The following PLPPR5 variants were observed in gnomAD, a reference collection of about 807,000 sequenced individuals.
PLPPR5 encodes phospholipid phosphatase related 5.
PLPPR5 carries 16 observed loss-of-function variants against 33.9 expected under a neutral mutation model. The ratio of observed to expected loss-of-function variants is 0.47; its 90% CI spans 0.32 to 0.72. The LOEUF (loss-of-function observed/expected upper bound fraction) is 0.72, where lower values mean the gene tolerates loss of function less well. PLPPR5 is among the 30% of genes least tolerant of loss of function. The pLI is 0.03. For missense variants in PLPPR5, 301 were observed against 406.7 expected (o/e 0.74, Z 2.23); for synonymous variants, 163 against 150.3 (o/e 1.08, Z -0.62).
chr1:98,978,956 A>G (rs1651964115), intron 1 of PLPPR5, among the ~76,000 whole-genome samples: 1 of 151,992 alleles, frequency 6.6e-6, no homozygotes, highest in South Asian at 2.1e-4. Flanking sequence ...ACATGAAAAC[A>G]TCCTGTCATT....
At chr1:98,968,459 T>C (rs1336377516) in intron 1 of PLPPR5, among the ~76,000 whole-genome samples, 1 of 152,058 alleles carries the variant, frequency 6.6e-6, no homozygotes, top group Non-Finnish European at 1.5e-5. Context: ...CTCTGGGACT[T>C]AAAGATGATG....
intron 1 of PLPPR5, among the ~76,000 whole-genome samples, chr1:98,977,320 A>G (rs796286444): frequency 2.6e-5 from 4 of 152,010 alleles, no homozygotes; most frequent in African/African-American, 9.6e-5. Flanking sequence ...TCTGAGGTCT[A>G]ATCTGTAACA....
chr1:98,948,126 C>T (rs559675619), intron 3 of PLPPR5, among the ~76,000 whole-genome samples: 20 of 152,260 alleles, frequency 1.3e-4, no homozygotes, highest in East Asian at 3.9e-4. Flanking sequence ...TACAAGTAAA[C>T]GGACATGCAC....
chr1:98,910,384 T>C (rs1240477443), intron 5 of PLPPR5, among the ~76,000 whole-genome samples: 1 of 152,086 alleles, frequency 6.6e-6, no homozygotes, highest in East Asian at 1.9e-4. Flanking sequence ...TCAGTGATGT[T>C]GACAGGCCTC....
chr1:98,899,861 G>A (rs12075466), intron 5 of PLPPR5, among the ~76,000 whole-genome samples: 12,776 of 151,944 alleles, frequency 0.084, 1,303 homozygotes, highest in African/African-American at 0.24. Flanking sequence ...TTTCCCAAAC[G>A]TATTGACATG....
intron 3 of PLPPR5, among the ~76,000 whole-genome samples, chr1:98,944,647 T>A (rs11166143): frequency 0.17 from 25,662 of 152,248 alleles, 2,550 homozygotes; most frequent in Non-Finnish European, 0.22. Context: ...TGATATTTTG[T>A]TAGAGCTATC....
At chr1:98,909,559 C>T (rs1348551850) in intron 5 of PLPPR5, among the ~76,000 whole-genome samples, 1 of 151,670 alleles carries the variant, frequency 6.6e-6, no homozygotes, top group East Asian at 1.9e-4. Flanking sequence ...TTCACTGGTA[C>T]CAGACACAGT....
chr1:98,930,093 G>A (rs1670900375), intron 3 of PLPPR5, among the ~76,000 whole-genome samples: 1 of 152,068 alleles, frequency 6.6e-6, no homozygotes, highest in Non-Finnish European at 1.5e-5. Flanking sequence ...AGACAAATCT[G>A]GAAATTTTAA....
chr1:98,904,726 C>T (rs2101139424), intron 5 of PLPPR5, among the ~76,000 whole-genome samples: 1 of 152,232 alleles, frequency 6.6e-6, no homozygotes, highest in South Asian at 2.1e-4. Flanking sequence ...GGGGTGACTG[C>T]AGTCTGACCT....
intron 1 of PLPPR5, among the ~76,000 whole-genome samples, chr1:98,976,936 G>A (rs1444012833): frequency 6.6e-6 from 1 of 151,898 alleles, no homozygotes; most frequent in African/African-American, 2.4e-5. Flanking sequence ...GCAGATAATT[G>A]CTCCACAATA....
At chr1:98,955,425 CTTTT>C (rs984535406) in intron 2 of PLPPR5, among the ~76,000 whole-genome samples, 1 of 151,916 alleles carries the variant, frequency 6.6e-6, no homozygotes, top group South Asian at 2.1e-4. Flanking sequence ...TTGCATATTG[CTTTT>C]TTTATTAAAT....
chr1:98,952,143 G>C (rs1342178127), intron 3 of PLPPR5, among the ~76,000 whole-genome samples: 1 of 151,926 alleles, frequency 6.6e-6, no homozygotes, highest in African/African-American at 2.4e-5. Context: ...CACACCTGTA[G>C]TCCCAGCTAC....
chr1:99,001,986 A>G (rs2100770427), intron 1 of PLPPR5, among the ~76,000 whole-genome samples: 1 of 152,196 alleles, frequency 6.6e-6, no homozygotes, highest in East Asian at 1.9e-4. Context: ...TAAGGTATGT[A>G]GAAAGTTTAT....
chr1:98,978,316 C>T (rs573525717), intron 1 of PLPPR5, among the ~76,000 whole-genome samples: 43 of 152,098 alleles, frequency 2.8e-4, no homozygotes, highest in Non-Finnish European at 5.3e-4. Flanking sequence ...CAATTGGTCT[C>T]GCAGTCTTTG....
At position 98,931,957 on chromosome 1, in the gene PLPPR5, G is replaced by A. The variant is rs766565344; in HGVS notation, c.622-9899C>T. ...ATGAACAGACTGGAATATTTAGGAT[G>A]TTAAACTGGCCAGAACTGTTGGTTA... On this transcript the variant is annotated intron_variant, in intron 3 of 5. Transcript: ENST00000263177. 1.3e-4 allele frequency among the ~76,000 whole-genome samples: 20 copies of A among 152,180 alleles called. 1 individual carries two copies. The highest frequency in any genetic ancestry group is 1.9e-4 in the Non-Finnish European group (13 of 68,026).
intron 5 of PLPPR5, among the ~76,000 whole-genome samples, chr1:98,908,422 C>T (rs570062356): frequency 1.3e-5 from 2 of 152,198 alleles, no homozygotes; most frequent in South Asian, 2.1e-4. Context: ...GAAATGTAAA[C>T]GTCTCCATCT....
At chr1:98,959,027 G>A (rs367713948) in intron 1 of PLPPR5, among the ~76,000 whole-genome samples, 85 of 152,230 alleles carry the variant, frequency 5.6e-4, no homozygotes, top group African/African-American at 1.9e-3. Context: ...CTTATTTAAT[G>A]CATAAAGGAA....
intron 3 of PLPPR5, among the ~76,000 whole-genome samples, chr1:98,932,306 G>C (rs1337143121): frequency 6.6e-6 from 1 of 152,154 alleles, no homozygotes; most frequent in East Asian, 1.9e-4. Flanking sequence ...TGTATGACAT[G>C]ATTTCCATCA....
At chr1:98,944,175 A>T (rs1650473260) in intron 3 of PLPPR5, among the ~76,000 whole-genome samples, 1 of 152,178 alleles carries the variant, frequency 6.6e-6, no homozygotes. Context: ...GACATCAATA[A>T]AGATTTTAGG....
Sources: gnomAD v4.1 joint callset for allele counts (sites outside exome capture counted in the v4.1 genomes callset) on GRCh38, gnomAD v4.1.1 for gene constraint, MANE v1.5 for transcripts, NCBI Gene and HGNC (gene_info 2026-07-23, HGNC 2026-07-21) for gene names.